DLEU7: variants seen among roughly 807,000 people sequenced by gnomAD.
DLEU7 encodes deleted in lymphocytic leukemia 7.
Under a neutral mutation model 16.0 loss-of-function variants are expected in DLEU7, and 17 were observed. That is an observed-to-expected ratio of 1.06 (90% confidence interval 0.73 to 1.59). The LOEUF is 1.59. Among genes scored for constraint, DLEU7 ranks in the 40% most tolerant of loss-of-function variants. The probability of loss-of-function intolerance (pLI) is 0.00; values close to 1 mark genes in which losing one functional copy is unlikely to be tolerated. For synonymous variants in DLEU7, 113 were observed against 139.8 expected (o/e 0.81, Z 1.35); for missense variants, 308 against 314.9 (o/e 0.98, Z 0.17).
chr13:50,716,740 G>C (rs888378082), intron 1 of DLEU7, among the ~76,000 whole-genome samples: 2 of 152,242 alleles, frequency 1.3e-5, no homozygotes, highest in Admixed American at 6.5e-5. Context: ...ATCTGTATAT[G>C]TAATAAGGTG....
intron 1 of DLEU7, among the ~76,000 whole-genome samples, chr13:50,747,369 T>A (rs1008629442): frequency 1.1e-5 from 1 of 91,142 alleles, no homozygotes; most frequent in African/African-American, 9.8e-5. Context: ...TGTGTGTGTG[T>A]GTGACAGAGA....
At chr13:50,812,433 T>A (rs1237117406) in intron 1 of DLEU7, among the ~76,000 whole-genome samples, 3 of 152,122 alleles carry the variant, frequency 2.0e-5, no homozygotes. Flanking sequence ...GAAATCCCAC[T>A]TGGGTGTGCA....
chr13:50,713,822 A>C (rs1873362468), intron 1 of DLEU7, among the ~76,000 whole-genome samples: 1 of 152,236 alleles, frequency 6.6e-6, no homozygotes, highest in Admixed American at 6.5e-5. Flanking sequence ...AAAGGCAGCA[A>C]CACGGGATGG....
rs1873747347 is a variant in DLEU7 at position 50,725,759 on chromosome 13, CAG to C, written c.460-12521_460-12520del. Among the ~76,000 whole-genome samples the C allele has an allele frequency of 2.0e-5, 3 of 152,228 alleles. No individual in the cohort carries two copies. In the South Asian group the frequency reaches 6.2e-4, roughly 32 times the overall value. ...GGGTTAATCTGACTGTTAAACTGAA[CAG>C]AGTTTGATGAAGTTTTTCTATTTTA... On this transcript the variant is annotated intron_variant, in intron 1 of 1. Transcript: ENST00000400393.
At chr13:50,777,116 C>T (rs529731464) in intron 1 of DLEU7, among the ~76,000 whole-genome samples, 1 of 152,338 alleles carries the variant, frequency 6.6e-6, no homozygotes, top group South Asian at 2.1e-4. Context: ...TACAGACTTA[C>T]AACTAACCTG....
At chr13:50,782,534 C>A (rs1464981237) in intron 1 of DLEU7, among the ~76,000 whole-genome samples, 1 of 152,140 alleles carries the variant, frequency 6.6e-6, no homozygotes, top group Non-Finnish European at 1.5e-5. Flanking sequence ...AATTTTATCT[C>A]CAACCATTTT....
chr13:50,786,433 T>A (rs1193313652), intron 1 of DLEU7, among the ~76,000 whole-genome samples: 1 of 152,178 alleles, frequency 6.6e-6, no homozygotes, highest in African/African-American at 2.4e-5. Context: ...ATTAATACAA[T>A]TTACCATGTA....
rs888793354 is a variant in DLEU7 at position 50,757,422 on chromosome 13, T to C, written c.460-44182A>G. Among the ~76,000 whole-genome samples, 4 of 152,356 alleles carry C rather than the reference T, an allele frequency of 2.6e-5. No individual in the cohort carries two copies. In the South Asian group the frequency reaches 6.2e-4, roughly 24 times the overall value. ...CTTCTTGACTTATTCTCTGCTAATC[T>C]GCCATGCTAGGTTTATTGATAGACA... is the stretch of plus-strand genomic sequence containing the variant. On this transcript the variant is annotated intron_variant, in intron 1 of 1. Coordinates refer to the DLEU7 transcript ENST00000400393.
At chr13:50,770,752 G>T (rs1037171265) in intron 1 of DLEU7, among the ~76,000 whole-genome samples, 5 of 152,120 alleles carry the variant, frequency 3.3e-5, no homozygotes, top group Non-Finnish European at 7.4e-5. Context: ...TTGTGTCTCT[G>T]CCTGGCTTTG....
At chr13:50,797,067 T>A (rs1312579093) in intron 1 of DLEU7, among the ~76,000 whole-genome samples, 1 of 152,170 alleles carries the variant, frequency 6.6e-6, no homozygotes, top group African/African-American at 2.4e-5. Context: ...TGAAACAGAC[T>A]TGATGCATGA....
At chr13:50,816,475 A>G (rs1401081673) in intron 1 of DLEU7, among the ~76,000 whole-genome samples, 1 of 152,168 alleles carries the variant, frequency 6.6e-6, no homozygotes, top group Non-Finnish European at 1.5e-5. Context: ...TGTTAACTTT[A>G]TTTATGTATA....
intron 1 of DLEU7, among the ~76,000 whole-genome samples, chr13:50,741,753 A>G (rs746461869): frequency 3.9e-5 from 6 of 152,208 alleles, no homozygotes; most frequent in Non-Finnish European, 5.9e-5. Context: ...AGAAACCATG[A>G]TAATTCAATG....
chr13:50,814,848 A>G (rs1476557029), intron 1 of DLEU7, among the ~76,000 whole-genome samples: 1 of 150,892 alleles, frequency 6.6e-6, no homozygotes, highest in Non-Finnish European at 1.5e-5. Flanking sequence ...GTACTGTACC[A>G]ATGTAAGTTT....
At chr13:50,758,083 T>C (rs1372637956) in intron 1 of DLEU7, among the ~76,000 whole-genome samples, 1 of 145,732 alleles carries the variant, frequency 6.9e-6, no homozygotes, top group Non-Finnish European at 1.5e-5. Flanking sequence ...CCCAGGTTGG[T>C]CTCAAATTGC....
chr13:50,783,828 G>A (rs1308016557), intron 1 of DLEU7, among the ~76,000 whole-genome samples: 1 of 152,180 alleles, frequency 6.6e-6, no homozygotes, highest in African/African-American at 2.4e-5. Context: ...CCAGCCATCA[G>A]TCCCTGATCC....
At chr13:50,770,296 T>G (rs1473805070) in intron 1 of DLEU7, among the ~76,000 whole-genome samples, 2 of 152,214 alleles carry the variant, frequency 1.3e-5, no homozygotes, top group Non-Finnish European at 2.9e-5. Context: ...TGGCCAGAAC[T>G]TCCAACACTA....
At chr13:50,765,253 G>A (rs1291469320) in intron 1 of DLEU7, among the ~76,000 whole-genome samples, 3 of 152,170 alleles carry the variant, frequency 2.0e-5, no homozygotes, top group Non-Finnish European at 4.4e-5. Flanking sequence ...TAAAGACAGG[G>A]TATTATTAGG....
intron 1 of DLEU7, among the ~76,000 whole-genome samples, chr13:50,731,883 G>T (rs1166216644): frequency 1.3e-5 from 2 of 152,024 alleles, no homozygotes; most frequent in African/African-American, 4.8e-5. Flanking sequence ...AAATATTTAA[G>T]CCTCTAAGTG....
At chr13:50,798,113 T>A (rs1364674838) in intron 1 of DLEU7, among the ~76,000 whole-genome samples, 2 of 152,202 alleles carry the variant, frequency 1.3e-5, no homozygotes, top group African/African-American at 4.8e-5. Flanking sequence ...GCAGGTGGTA[T>A]GCCATTTTGG....
Sources: allele counts gnomAD v4.1 joint callset (sites outside exome capture counted in the v4.1 genomes callset), GRCh38; gene constraint gnomAD v4.1.1; transcripts MANE v1.5; gene names NCBI Gene and HGNC (gene_info 2026-07-23, HGNC 2026-07-21).